The following SLC23A2 variants were observed in gnomAD, a reference collection of about 807,000 sequenced individuals.
The protein encoded by SLC23A2 is Na(+)/L-ascorbic acid transporter 2.
In SLC23A2, 36 loss-of-function variants were observed where a neutral mutation model predicts 73.3. The observed-to-expected ratio is 0.49, with a 90% CI of 0.38 to 0.65. The LOEUF is 0.65. SLC23A2 is among the 30% of genes least tolerant of loss of function. The probability of loss-of-function intolerance (pLI) is 0.00; values close to 1 mark genes in which losing one functional copy is unlikely to be tolerated. For missense variants in SLC23A2, 507 were observed against 841.6 expected (o/e 0.60, Z 4.92); for synonymous variants, 343 against 327.3 (o/e 1.05, Z -0.52).
intron 13 of SLC23A2, among the ~76,000 whole-genome samples, chr20:4,866,540 C>G (rs1448870095): frequency 6.6e-6 from 1 of 152,172 alleles, no homozygotes; most frequent in African/African-American, 2.4e-5. Context: ...GGAAGCGCCC[C>G]TCAGACAACC....
intron 3 of SLC23A2, among the ~76,000 whole-genome samples, chr20:4,922,674 G>A (rs1010723351): frequency 3.3e-5 from 5 of 151,962 alleles, no homozygotes; most frequent in Non-Finnish European, 7.4e-5. Flanking sequence ...CAAAAAATAC[G>A]AAAATTAGCT....
At chr20:4,864,785 G>A (rs1440593216) in intron 13 of SLC23A2, among the ~76,000 whole-genome samples, 1 of 152,160 alleles carries the variant, frequency 6.6e-6, no homozygotes, top group Non-Finnish European at 1.5e-5. Context: ...GTCCTGAGGG[G>A]TGAGTAAGAG....
intron 6 of SLC23A2, among the ~76,000 whole-genome samples, chr20:4,888,708 T>G (rs1433376735): frequency 1.3e-5 from 2 of 152,184 alleles, no homozygotes; most frequent in African/African-American, 4.8e-5. Flanking sequence ...CATTTGTCAT[T>G]TAAGGCACAG....
chr20:4,984,725 T>C (rs974605630), intron 1 of SLC23A2, among the ~76,000 whole-genome samples: 3 of 152,082 alleles, frequency 2.0e-5, no homozygotes, highest in Non-Finnish European at 4.4e-5. Context: ...CCCATTAGGA[T>C]GGCTATAATC....
chr20:4,946,999 C>G (rs2087128313), intron 2 of SLC23A2, among the ~76,000 whole-genome samples: 1 of 152,208 alleles, frequency 6.6e-6, no homozygotes, highest in Non-Finnish European at 1.5e-5. Context: ...ACAAGACCAT[C>G]TTAAGCCTCG....
intron 1 of SLC23A2, among the ~76,000 whole-genome samples, chr20:4,980,781 C>T (rs1399410502): frequency 6.6e-6 from 1 of 152,108 alleles, no homozygotes; most frequent in African/African-American, 2.4e-5. Flanking sequence ...CCACCCACCT[C>T]GGCCTCCCAA....
At chr20:4,982,363 G>T (rs548572374) in intron 1 of SLC23A2, among the ~76,000 whole-genome samples, 1 of 152,304 alleles carries the variant, frequency 6.6e-6, no homozygotes, top group African/African-American at 2.4e-5. Context: ...TTATCATAAT[G>T]TACTGCTCCT....
intron 1 of SLC23A2, among the ~76,000 whole-genome samples, chr20:5,009,030 C>G (rs1394658294): frequency 1.3e-5 from 2 of 152,138 alleles, no homozygotes; most frequent in Non-Finnish European, 1.5e-5. Flanking sequence ...TTGTATTCCT[C>G]TGAAACTGCC....
At chr20:4,983,680 CCAGGTTCGGCTCA>C (rs1478520081) in intron 1 of SLC23A2, among the ~76,000 whole-genome samples, 1 of 142,838 alleles carries the variant, frequency 7.0e-6, no homozygotes, top group East Asian at 2.1e-4. Flanking sequence ...ACAAGCAAGG[CCAGGTTCGGCTCA>C]CACCTGTAAT....
chr20:4,981,233 T>C (rs961455508), intron 1 of SLC23A2, among the ~76,000 whole-genome samples: 3 of 152,188 alleles, frequency 2.0e-5, no homozygotes, highest in Non-Finnish European at 2.9e-5. Flanking sequence ...AATCATTCAA[T>C]TTCTCAGGAG....
intron 6 of SLC23A2, among the ~76,000 whole-genome samples, chr20:4,887,324 A>T (rs145060118): frequency 5.3e-5 from 8 of 152,372 alleles, no homozygotes; most frequent in Middle Eastern, 3.4e-3. Context: ...ACTGTACTGA[A>T]AGGACAGCGT....
intron 1 of SLC23A2, among the ~76,000 whole-genome samples, chr20:4,973,452 G>A (rs973079146): frequency 1.5e-5 from 2 of 132,074 alleles, no homozygotes; most frequent in African/African-American, 5.5e-5. Context: ...TGAGTGGCAA[G>A]ATGGCTGGAA....
Position 4,899,498 on chromosome 20 carries a change from TC to T in SLC23A2, c.482+56del. The T allele has an allele frequency of 3.4e-5, 2 of 59,304 alleles. No homozygotes were observed. The highest frequency in any genetic ancestry group is 5.3e-5 in the Non-Finnish European group (2 of 37,988). The allele number at this position is 59,304 out of a possible 1,614,324, so 3.7% of individuals were successfully genotyped here. On this transcript the variant is annotated intron_variant, in intron 6 of 16. Transcript: ENST00000338244. The surrounding 1 kb of genome is among the most constrained non-coding windows in gnomAD (Gnocchi z 4.9). ...AGGCAAACGGCGCAGCTCAATGCCT[TC>T]TGCGCTCAATGCCTTCTGGGGGCTT...
chr20:5,001,054 G>A (rs1451638372), intron 1 of SLC23A2, among the ~76,000 whole-genome samples: 1 of 152,054 alleles, frequency 6.6e-6, no homozygotes, highest in African/African-American at 2.4e-5. Context: ...GCAGCCAGTG[G>A]GGTTCTGGGG....
chr20:4,943,517 A>C (rs532588095), intron 2 of SLC23A2, among the ~76,000 whole-genome samples: 5 of 140,096 alleles, frequency 3.6e-5, no homozygotes, highest in Non-Finnish European at 7.5e-5. Flanking sequence ...AAAAAAAAAA[A>C]CAGAAAAATT....
At chr20:4,906,423 C>A (rs1931957983) in intron 4 of SLC23A2, among the ~76,000 whole-genome samples, 1 of 151,996 alleles carries the variant, frequency 6.6e-6, no homozygotes, top group African/African-American at 2.4e-5. Context: ...GTCAGCCTGG[C>A]CAACATGGTG....
At chr20:4,954,698 C>CAAAAAAAAAA (rs200579910) in intron 2 of SLC23A2, among the ~76,000 whole-genome samples, 2 of 55,104 alleles carry the variant, frequency 3.6e-5, no homozygotes, top group African/African-American at 1.1e-4. Context: ...GACTCCATCA[C>CAAAAAAAAAA]AAAAAAAAAA....
At position 4,868,741 on chromosome 20, in the gene SLC23A2, C is replaced by T. The variant is rs542315128; in HGVS notation, c.1251-866G>A. Among the ~76,000 whole-genome samples, 1 of 152,306 alleles carries T rather than the reference C, an allele frequency of 6.6e-6. No homozygotes were observed. The highest frequency in any genetic ancestry group is 1.5e-5 in the Non-Finnish European group (1 of 68,030). On this transcript the variant is annotated intron_variant, in intron 12 of 16. Coordinates refer to ENST00000338244, the MANE Select transcript of SLC23A2 (RefSeq NM_005116.6). This position sits in a 1 kb window ranked among gnomAD's most constrained non-coding sequence, Gnocchi z 4.4. ...CCCAGTCCATTAATCTCATCACACA[C>T]AGTCCCTTCTGGGGTTACAGAGCTG...
At chr20:4,935,850 G>A (rs1776979) in intron 2 of SLC23A2, among the ~76,000 whole-genome samples, 1 of 151,882 alleles carries the variant, frequency 6.6e-6, no homozygotes, top group African/African-American at 2.4e-5. Flanking sequence ...TATCTATGTA[G>A]AAAAAATCTG....
Sources: gnomAD v4.1 joint callset for allele counts (sites outside exome capture counted in the v4.1 genomes callset) on GRCh38, gnomAD v4.1.1 for gene constraint, Gnocchi (gnomAD v3.1) non-coding constraint, MANE v1.5 for transcripts, NCBI Gene and HGNC (gene_info 2026-07-23, HGNC 2026-07-21) for gene names.